Variants in ZCCHC8 observed in about 807,000 individuals in gnomAD.
ZCCHC8 encodes the protein zinc finger CCHC-type containing 8.
A neutral mutation model predicts 70.6 loss-of-function variants in ZCCHC8; 27 were observed. The observed-to-expected ratio is 0.38, with a 90% confidence interval of 0.28 to 0.53. The LOEUF (loss-of-function observed/expected upper bound fraction) is 0.53, where lower values mean the gene tolerates loss of function less well. Among genes scored for constraint, ZCCHC8 ranks in the 20% least tolerant of loss-of-function variants. The pLI, the probability that ZCCHC8 is intolerant of heterozygous loss-of-function variation, is 0.81. For missense variants in ZCCHC8, 737 were observed against 876.9 expected (o/e 0.84, Z 2.01); for synonymous variants, 293 against 317.4 (o/e 0.92, Z 0.82).
rs1036214138 is a variant in ZCCHC8, at chr12:122,473,676, T to A, written c.1945A>T (p.Ser649Cys). Residue 649 changes from serine to cysteine, a missense_variant, in exon 14 of 14, where the codon AGT (serine) becomes TGT (cysteine). Physicochemically the swap from Ser to Cys is moderately radical, Grantham distance 112 (BLOSUM62 -1). Coordinates refer to ENST00000633063, the MANE Select transcript of ZCCHC8 (RefSeq NM_017612.5). The part of the protein sequence containing the change: ...GSQKLFPADT[S>C]PSTATKIHSP... ...TGAATTTTAGTGGCCGTTGAAGGACTGGTGTCTGCAGGAAAGAGCTTCTGG... is the reference window on the plus strand; with the variant it reads ...TGAATTTTAGTGGCCGTTGAAGGACAGGTGTCTGCAGGAAAGAGCTTCTGG... 1.9e-6 allele frequency: 3 copies of A among 1,613,918 alleles called. No individual in the cohort carries two copies. The highest frequency in any genetic ancestry group is 2.7e-5 in the African/African-American group (2 of 74,936).
intron 11 of ZCCHC8, among the ~76,000 whole-genome samples, chr12:122,478,967 A>G (rs577748472): frequency 5.4e-4 from 83 of 152,354 alleles, no homozygotes; most frequent in Middle Eastern, 3.4e-3. Context: ...GTAATGAATT[A>G]CACAGTCTTG....
At position 122,500,887 on chromosome 12, in the gene ZCCHC8, G is replaced by T; in HGVS notation, c.-47C>A. 3 of 1,540,502 alleles carry T rather than the reference G, an allele frequency of 1.9e-6. No individual in the cohort carries two copies. The highest frequency in any genetic ancestry group is 1.2e-5 in the South Asian group (1 of 83,802). On this transcript the variant is annotated 5_prime_UTR_variant, in exon 1 of 14. Transcript: ENST00000633063. This position sits in a 1 kb window ranked among gnomAD's most constrained non-coding sequence, Gnocchi z 4.8. ...GAGAAGAGGCGGAGCCGGCCACCAG[G>T]GCTTGGGGAAGAAGGTTGGAAGGCG... is the stretch of plus-strand genomic sequence containing the variant.
chr12:122,485,492 G>A lies in ZCCHC8; in HGVS notation c.502-1929C>T, dbSNP rs559293747. Among the ~76,000 whole-genome samples the A allele has an allele frequency of 7.9e-5, 12 of 151,942 alleles. No homozygotes were observed. The East Asian group carries it at 1.5e-3, about 20-fold the overall frequency. The stretch of plus-strand genomic sequence containing the variant: ...GCCCTGAATATATGTTCTCCTTTAC[G>A]GTCAAGTTCTGATCAGTCCTAACCT... On this transcript the variant is annotated intron_variant, in intron 5 of 13. Coordinates refer to ENST00000633063, the MANE Select transcript of ZCCHC8 (RefSeq NM_017612.5).
intron 12 of ZCCHC8, 38 bp from the exon 13 acceptor site, chr12:122,477,996 G>T: frequency 1.3e-6 from 2 of 1,491,630 alleles, no homozygotes; most frequent in South Asian, 1.1e-5. Flanking sequence ...GTTAAGCGGG[G>T]TAGATAATGA....
At chr12:122,485,045 G>A (rs1416477645) in intron 5 of ZCCHC8, among the ~76,000 whole-genome samples, 2 of 152,064 alleles carry the variant, frequency 1.3e-5, no homozygotes, top group Non-Finnish European at 2.9e-5. Context: ...CACTACTCAG[G>A]TGGTTCATCC....
chr12:122,485,874 A>G (rs2137346405), intron 5 of ZCCHC8, among the ~76,000 whole-genome samples: 1 of 152,194 alleles, frequency 6.6e-6, no homozygotes, highest in South Asian at 2.1e-4. Flanking sequence ...ACTCGGGCCA[A>G]AAACCTGAGT....
rs1458671462 is a variant in ZCCHC8 at position 122,471,945 on chromosome 12, G to C, written c.*1552C>G. Reference sequence around the variant, plus strand: ...ATTCCACAGAAAGACCTAAACCACAGTTTCAGCTCTATCTTATATATATAC... The same window carrying C: ...ATTCCACAGAAAGACCTAAACCACACTTTCAGCTCTATCTTATATATATAC... On this transcript the variant is annotated 3_prime_UTR_variant, in exon 14 of 14. Coordinates refer to ENST00000633063, the MANE Select transcript of ZCCHC8 (RefSeq NM_017612.5). The C allele has an allele frequency of 6.6e-6, 1 of 152,064 alleles. No homozygotes were observed. The highest frequency in any genetic ancestry group is 1.5e-5 in the Non-Finnish European group (1 of 68,032). 9.4% of individuals were successfully genotyped at this position (152,064 alleles called of 1,614,324 possible). A position where few individuals can be genotyped will look rare whatever the true frequency, so the allele number is the denominator to read the frequency against.
Position 122,483,432 on chromosome 12 carries a change from A to C in ZCCHC8, c.605+28T>G. 6.3e-7 allele frequency: 1 copy of C among 1,575,004 alleles called. No individual in the cohort carries two copies. Among genetic ancestry groups the C allele is most frequent in the South Asian group, 1.2e-5 (1 of 85,962 alleles). On this transcript the variant is annotated intron_variant, in intron 6 of 13. Transcript: ENST00000633063. This position sits in a 1 kb window ranked among gnomAD's most constrained non-coding sequence, Gnocchi z 4.4. The stretch of plus-strand genomic sequence containing the variant: ...GGTGAACTTAGTGGCAAGATGCATA[A>C]AAGATCTTCATTCACTATGTAGGAT...
chr12:122,495,209 G>T (rs910365156), intron 2 of ZCCHC8, among the ~76,000 whole-genome samples: 1 of 152,166 alleles, frequency 6.6e-6, no homozygotes, highest in Non-Finnish European at 1.5e-5. Context: ...GTAGAAGAAG[G>T]CCAGGGAAAG....
rs375493553 is a variant in ZCCHC8 at position 122,500,797 on chromosome 12, G to A, written c.44C>T (p.Pro15Leu). 3 of 1,583,508 alleles carry A rather than the reference G, an allele frequency of 1.9e-6. No individual in the cohort carries two copies. The highest frequency in any genetic ancestry group is 2.7e-5 in the African/African-American group (2 of 74,076). The change falls in exon 1 of 14, where the codon CCG becomes CTG. Residue 15 changes from proline (P) to leucine (L), a missense_variant. By Grantham distance (98) the Pro-to-Leu change is moderately conservative. Transcript: ENST00000633063. This position sits in a 1 kb window ranked among gnomAD's most constrained non-coding sequence, Gnocchi z 4.8. ...AATCGACTCCTCTGGGTGGTCGAAC[G>A]GCTCGAAGAGCTCTAGATCGCCAAA... The part of the protein sequence containing the change: ...VYFGDLELFE[P>L]FDHPEESIPK...
chr12:122,498,994 A>C, intron 1 of ZCCHC8, 125 bp from the exon 2 acceptor site: 1 of 888,692 alleles, frequency 1.1e-6, no homozygotes, highest in South Asian at 1.5e-5. Context: ...TATTTTGAGG[A>C]TGACACACTT....
At chr12:122,498,804 G>C in intron 2 of ZCCHC8, 23 bp downstream of exon 2, 1 of 1,608,580 alleles carries the variant, frequency 6.2e-7, no homozygotes, top group Non-Finnish European at 8.5e-7. Flanking sequence ...GACAACTATG[G>C]AGTAATTTCA....
At chr12:122,484,873 C>T (rs1195202304) in intron 5 of ZCCHC8, among the ~76,000 whole-genome samples, 1 of 152,126 alleles carries the variant, frequency 6.6e-6, no homozygotes, top group Non-Finnish European at 1.5e-5. Flanking sequence ...CACAATTCTT[C>T]CTTCCTCCTA....
At chr12:122,499,059 C>T (rs1415416592) in intron 1 of ZCCHC8, 190 bp from the exon 2 acceptor site, 1 of 607,284 alleles carries the variant, frequency 1.6e-6, no homozygotes, top group East Asian at 2.8e-5. Context: ...AATTAAAGTA[C>T]GGTTTTTATC....
At chr12:122,498,374 C>T (rs1286563365) in intron 2 of ZCCHC8, among the ~76,000 whole-genome samples, 1 of 152,106 alleles carries the variant, frequency 6.6e-6, no homozygotes, top group Non-Finnish European at 1.5e-5. Context: ...GTTGATCCGC[C>T]CACCTCGGCC....
chr12:122,474,323 G>C, intron 13 of ZCCHC8, 48 bp from the exon 14 acceptor site: 1 of 1,328,728 alleles, frequency 7.5e-7, no homozygotes, highest in Non-Finnish European at 9.7e-7. Flanking sequence ...AATAGCATTT[G>C]GTTTTACTAA....
intron 4 of ZCCHC8, 127 bp downstream of exon 4, chr12:122,490,335 C>T: frequency 4.1e-6 from 3 of 739,560 alleles, no homozygotes; most frequent in East Asian, 5.5e-5. Flanking sequence ...AAAAGCAAGC[C>T]AGTAGAAGGA....
intron 5 of ZCCHC8, among the ~76,000 whole-genome samples, chr12:122,485,492 G>T (rs559293747): frequency 6.6e-6 from 1 of 151,942 alleles, no homozygotes; most frequent in Admixed American, 6.6e-5. Flanking sequence ...TCTCCTTTAC[G>T]GTCAAGTTCT....
At position 122,481,588 on chromosome 12, in the gene ZCCHC8, AC is replaced by A; in HGVS notation, c.951del (p.Tyr318ThrfsTer95). On this transcript the variant is annotated frameshift_variant, in exon 10 of 14. Transcript: ENST00000633063. LOFTEE classifies it high-confidence loss of function. ...GCCTCTTTGAGCCACCCTGGTGGGT[AC>A]CCTAGCTGGCGCATCCGATAGATAA... ...PPFIYRMRQLGYPPGWLKEAE... is the reference protein window; with the variant it reads ...PPFIYRMRQLXYPPGWLKEAE... 6.2e-7 allele frequency: 1 copy of A among 1,613,942 alleles called. No homozygotes were observed. The highest frequency in any genetic ancestry group is 8.5e-7 in the Non-Finnish European group (1 of 1,179,872).
Sources: allele counts gnomAD v4.1 joint callset (sites outside exome capture counted in the v4.1 genomes callset), GRCh38; gene constraint gnomAD v4.1.1; non-coding constraint Gnocchi (gnomAD v3.1); transcripts MANE v1.5; gene names NCBI Gene and HGNC (gene_info 2026-07-23, HGNC 2026-07-21).